The following GC variants were observed in gnomAD, a reference collection of about 807,000 sequenced individuals.
The protein encoded by GC is GC vitamin D binding protein.
Under a neutral mutation model 56.7 loss-of-function variants are expected in GC, and 43 were observed. The observed-to-expected ratio is 0.76, with a 90% CI of 0.59 to 0.98. The LOEUF (loss-of-function observed/expected upper bound fraction) is 0.98. GC is among the 50% of genes least tolerant of loss of function. The pLI is 0.00. For missense variants in GC, 529 were observed against 545.9 expected (o/e 0.97, Z 0.31); for synonymous variants, 216 against 202.7 (o/e 1.07, Z -0.56).
intron 2 of GC, 130 bp downstream of exon 2, chr4:71,769,201 G>T: frequency 4.6e-6 from 3 of 647,438 alleles, no homozygotes; most frequent in South Asian, 4.1e-5. Flanking sequence ...CCTACCTTGG[G>T]CCTGGGGCTC....
intron 1 of GC, among the ~76,000 whole-genome samples, chr4:71,795,029 G>A (rs1265121082): frequency 6.6e-6 from 1 of 152,136 alleles, no homozygotes; most frequent in Non-Finnish European, 1.5e-5. Context: ...GAGATAGTTT[G>A]TTGTGATTTC....
intron 6 of GC, among the ~76,000 whole-genome samples, chr4:71,758,820 A>G (rs1223529415): frequency 1.3e-5 from 2 of 152,170 alleles, no homozygotes; most frequent in Non-Finnish European, 2.9e-5. Flanking sequence ...TTTTTAAGGT[A>G]TACATTCAGT....
At chr4:71,754,816 G>A (rs531426883) in intron 9 of GC, among the ~76,000 whole-genome samples, 162 bp downstream of exon 9, 32 of 152,134 alleles carry the variant, frequency 2.1e-4, no homozygotes, top group Non-Finnish European at 3.5e-4. Flanking sequence ...AGATACTGAT[G>A]TTCTTTTGCT....
intron 3 of GC, among the ~76,000 whole-genome samples, chr4:71,766,128 G>C (rs1387431759): frequency 6.6e-6 from 1 of 152,134 alleles, no homozygotes; most frequent in Non-Finnish European, 1.5e-5. Flanking sequence ...GTAGACTCTT[G>C]ATTGCTGGTT....
At chr4:71,744,584 C>T (rs1741300652) in intron 12 of GC, among the ~76,000 whole-genome samples, 1 of 151,932 alleles carries the variant, frequency 6.6e-6, no homozygotes. Flanking sequence ...AATTAGTTTT[C>T]CCAAAGCCTA....
In GC at chr4:71,752,658, A is replaced by G; in HGVS notation, c.1263-8T>C. 1 of 1,611,368 alleles carries G rather than the reference A, an allele frequency of 6.2e-7. No individual in the cohort carries two copies. The highest frequency in any genetic ancestry group is 8.5e-7 in the Non-Finnish European group (1 of 1,177,792). On this transcript the variant is annotated splice_region_variant and splice_polypyrimidine_tract_variant and intron_variant, in intron 10 of 12. Coordinates refer to ENST00000273951, the MANE Select transcript of GC (RefSeq NM_000583.4). ...TTTAGTCGCTCTGCCAGTCTGAAAA[A>G]CCATTTAAATGTAAGGTCTTACTAC...
chr4:71,795,623 G>A (rs1440213503), intron 1 of GC, among the ~76,000 whole-genome samples: 1 of 152,160 alleles, frequency 6.6e-6, no homozygotes, highest in East Asian at 1.9e-4. Context: ...TTGCCAGTCT[G>A]TACCTTTTAA....
chr4:71,768,282 G>A lies in GC; in HGVS notation c.261+19C>T, dbSNP rs376810958. On this transcript the variant is annotated intron_variant, in intron 3 of 12. Transcript: ENST00000273951. ...CCTTCTCTGGGCTGCCACAGAGACGGCCAGCCACAGAAACCTACCCTGGTG... is the reference window on the plus strand; with the variant it reads ...CCTTCTCTGGGCTGCCACAGAGACGACCAGCCACAGAAACCTACCCTGGTG... The A allele has an allele frequency of 1.1e-5, 17 of 1,570,038 alleles. No individual in the cohort carries two copies. Among genetic ancestry groups the A allele is most frequent in the South Asian group, 1.2e-5 (1 of 85,756 alleles).
intron 9 of GC, 55 bp downstream of exon 9, chr4:71,754,923 A>G (rs1741673509): frequency 3.0e-6 from 4 of 1,333,258 alleles, no homozygotes; most frequent in Non-Finnish European, 1.0e-6. Context: ...CCCATGAACT[A>G]TAATTTTCCA....
At chr4:71,803,971 A>G (rs747916535) in exon 1 of GC, 1 of 1,446,560 alleles carries the variant, frequency 6.9e-7, no homozygotes, top group Admixed American at 2.0e-5. Context: ...ACTAGTCCAG[A>G]TCATCACCAG....
chr4:71,777,230 A>G (rs1742534924), intron 1 of GC, among the ~76,000 whole-genome samples: 1 of 151,794 alleles, frequency 6.6e-6, no homozygotes, highest in African/African-American at 2.4e-5. Flanking sequence ...AAGAAACTGA[A>G]GGCTTATTAT....
At chr4:71,789,442 GAATA>G (rs1277224425) in intron 1 of GC, among the ~76,000 whole-genome samples, 2 of 151,994 alleles carry the variant, frequency 1.3e-5, no homozygotes, top group East Asian at 3.9e-4. Context: ...CTGGCAATCT[GAATA>G]AATAAAGCTG....
chr4:71,804,786 C>T (rs542618920), upstream of GC, among the ~76,000 whole-genome samples: 14 of 151,984 alleles, frequency 9.2e-5, no homozygotes, highest in African/African-American at 2.9e-4. Context: ...CTTCTAATGC[C>T]GCTTGCCTAA....
At chr4:71,799,133 A>G (rs1248369579) in intron 1 of GC, among the ~76,000 whole-genome samples, 1 of 152,172 alleles carries the variant, frequency 6.6e-6, no homozygotes, top group Non-Finnish European at 1.5e-5. Context: ...AAATTATCTT[A>G]AAAGGAATCA....
chr4:71,743,901 A>C (rs1741264768), intron 12 of GC, among the ~76,000 whole-genome samples: 1 of 152,220 alleles, frequency 6.6e-6, no homozygotes, highest in South Asian at 2.1e-4. Flanking sequence ...ATATGTGAAT[A>C]TGTGAGTAAT....
At chr4:71,792,339 C>T (rs996083203) in intron 1 of GC, among the ~76,000 whole-genome samples, 65 of 152,270 alleles carry the variant, frequency 4.3e-4, no homozygotes, top group African/African-American at 1.5e-3. Context: ...TGTTTCCTGA[C>T]TTTTTAATGA....
intron 7 of GC, 117 bp downstream of exon 7, chr4:71,757,925 A>G: frequency 1.4e-6 from 1 of 721,580 alleles, no homozygotes; most frequent in Non-Finnish European, 2.2e-6. Flanking sequence ...CATAGAATAC[A>G]TGTAAGCATC....
upstream of GC, among the ~76,000 whole-genome samples, chr4:71,788,329 G>A (rs1050008693): frequency 1.7e-4 from 26 of 151,532 alleles, no homozygotes; most frequent in Admixed American, 8.6e-4. Flanking sequence ...CAATAGGGGC[G>A]GTTATAGAAA....
intron 1 of GC, among the ~76,000 whole-genome samples, chr4:71,790,007 T>A (rs770905841): frequency 5.9e-5 from 9 of 152,010 alleles, no homozygotes; most frequent in Non-Finnish European, 8.8e-5. Flanking sequence ...CTTCCCCTTG[T>A]AGTTTTTAGT....
Sources: gnomAD v4.1 joint callset for allele counts (sites outside exome capture counted in the v4.1 genomes callset) on GRCh38, gnomAD v4.1.1 for gene constraint, MANE v1.5 for transcripts, NCBI Gene and HGNC (gene_info 2026-07-23, HGNC 2026-07-21) for gene names.